C5orf24: variants seen among roughly 807,000 people sequenced by gnomAD.
C5orf24 encodes UPF0461 protein C5orf24.
Under a neutral mutation model 9.8 loss-of-function variants are expected in C5orf24, and 4 were observed. The observed-to-expected ratio is 0.41, with a 90% CI of 0.20 to 0.93. The LOEUF is 0.93. Ranked by LOEUF, C5orf24 falls within the 40% of genes least tolerant of loss-of-function variation. C5orf24 has a pLI of 0.33. For missense variants in C5orf24, 170 were observed against 236.9 expected, an observed-to-expected ratio of 0.72 and a Z score of 1.85; for synonymous variants, 73 against 81.3, an observed-to-expected ratio of 0.90 and a Z score of 0.55.
chr5:134,855,597 T>C lies in C5orf24; in HGVS notation c.*130T>C, dbSNP rs922540828. ...AATTTGTTTTCCTGTTTGGTTTTTT[T>C]CCTGCTTTTGCTCAAAAACTGCCAT... On this transcript the variant is annotated 3_prime_UTR_variant, in exon 2 of 2. Transcript: ENST00000394976. 1 of 1,495,690 alleles carries C rather than the reference T, an allele frequency of 6.7e-7. No homozygotes were observed. Among genetic ancestry groups the C allele is most frequent in the Non-Finnish European group, 8.9e-7 (1 of 1,128,428 alleles). The allele number at this position is 1,495,690 out of a possible 1,614,324, so 92.7% of individuals were successfully genotyped here.
rs529329525 is a variant in C5orf24, at chr5:134,859,039, C to A, written c.*3572C>A. 1 of 166,280 alleles carries A rather than the reference C, an allele frequency of 6.0e-6. No homozygotes were observed. Among genetic ancestry groups the A allele is most frequent in the South Asian group, 2.1e-4 (1 of 4,784 alleles). The allele number at this position is 166,280 out of a possible 1,614,324, so 10.3% of individuals were successfully genotyped here. On this transcript the variant is annotated 3_prime_UTR_variant, in exon 2 of 2. Coordinates refer to ENST00000394976, the MANE Select transcript of C5orf24 (RefSeq NM_001135586.1). Reference sequence around the variant, plus strand: ...GGAGAAAAAAATATATATGTGGGTCCATTTATTAGGTTAAAGTTGACCCAT... The same window carrying A: ...GGAGAAAAAAATATATATGTGGGTCAATTTATTAGGTTAAAGTTGACCCAT...
chr5:134,835,560 T>C, the C5orf24 span, among the ~76,000 whole-genome samples: 1 of 151,926 alleles, frequency 6.6e-6, no homozygotes, highest in South Asian at 2.1e-4. Context: ...GGCAGGAGAA[T>C]TGCATGAATC....
chr5:134,840,976 A>G (rs75481264), upstream of C5orf24, among the ~76,000 whole-genome samples: 1,267 of 152,260 alleles, frequency 8.3e-3, 18 homozygotes, highest in African/African-American at 0.028. Context: ...CTTTCACACT[A>G]AATCACATTG....
At position 134,856,647 on chromosome 5, in the gene C5orf24, A is replaced by AAG. The variant is rs1756321019; in HGVS notation, c.*1180_*1181insAG. 2 of 601,698 alleles carry AAG rather than the reference A, an allele frequency of 3.3e-6. No individual in the cohort carries two copies. The highest frequency in any genetic ancestry group is 6.7e-5 in the Admixed American group (1 of 14,930). 37.3% of individuals were successfully genotyped at this position (601,698 alleles called of 1,614,324 possible). A position where few individuals can be genotyped will look rare whatever the true frequency, so the allele number is the denominator to read the frequency against. ...CAGAGTAAGACTCCGTCTCAAATAAATAAATAAATAAATAAATAAATAAAT... is the reference window on the plus strand; with the variant it reads ...CAGAGTAAGACTCCGTCTCAAATAAAAGTAAATAAATAAATAAATAAATAAAT... On this transcript the variant is annotated 3_prime_UTR_variant, in exon 2 of 2. Coordinates refer to ENST00000394976, the MANE Select transcript of C5orf24 (RefSeq NM_001135586.1).
intron 1 of C5orf24, among the ~76,000 whole-genome samples, chr5:134,853,293 G>A (rs201726015): frequency 4.0e-5 from 6 of 151,382 alleles, no homozygotes; most frequent in South Asian, 2.1e-4. Context: ...CCCAGGAGGC[G>A]GAGGTTGCGG....
chr5:134,853,370 A>AAC (rs1283533734), intron 1 of C5orf24, among the ~76,000 whole-genome samples: 2 of 150,856 alleles, frequency 1.3e-5, no homozygotes, highest in East Asian at 1.9e-4. Context: ...TAAAAAAAAA[A>AAC]AAAAAAAAAA....
At chr5:134,836,907 T>C in the C5orf24 span, among the ~76,000 whole-genome samples, 1 of 152,204 alleles carries the variant, frequency 6.6e-6, no homozygotes, top group East Asian at 1.9e-4. Context: ...ACAGTTCATA[T>C]ACATAATCAA....
the C5orf24 span, among the ~76,000 whole-genome samples, chr5:134,836,641 T>A: frequency 6.6e-6 from 1 of 152,054 alleles, no homozygotes; most frequent in African/African-American, 2.4e-5. Flanking sequence ...CTTCTCGGGT[T>A]CAAGTGATCC....
At chr5:134,837,960 A>T in the C5orf24 span, among the ~76,000 whole-genome samples, 1 of 152,176 alleles carries the variant, frequency 6.6e-6, no homozygotes, top group Non-Finnish European at 1.5e-5. Flanking sequence ...ATCTAAGAAC[A>T]CTTGGGTTGG....
rs973444540 is a variant in C5orf24, at chr5:134,857,612, A to G, written c.*2145A>G. On this transcript the variant is annotated 3_prime_UTR_variant, in exon 2 of 2. Coordinates refer to ENST00000394976, the MANE Select transcript of C5orf24 (RefSeq NM_001135586.1). ...TTCTTGCAAAAGCTTAAAATACAAG[A>G]TTTTTAATAATTTACTCAGAACAGT... 6.2e-6 allele frequency: 3 copies of G among 486,634 alleles called. No homozygotes were observed. The highest frequency in any genetic ancestry group is 1.0e-5 in the Non-Finnish European group (3 of 289,962). The allele number at this position is 486,634 out of a possible 1,614,324, so 30.1% of individuals were successfully genotyped here.
chr5:134,857,566 C>A lies in C5orf24; in HGVS notation c.*2099C>A. The A allele has an allele frequency of 1.2e-6, 1 of 856,430 alleles. No individual in the cohort carries two copies. The highest frequency in any genetic ancestry group is 1.6e-6 in the Non-Finnish European group (1 of 621,462). The allele number at this position is 856,430 out of a possible 1,614,324, so 53.1% of individuals were successfully genotyped here. ...ATAATCAGTTATAACATTCTGGCAG[C>A]TAAATTGCTACAAGAGCTTTTTCTT... On this transcript the variant is annotated 3_prime_UTR_variant, in exon 2 of 2. Coordinates refer to ENST00000394976, the MANE Select transcript of C5orf24 (RefSeq NM_001135586.1).
the C5orf24 span, among the ~76,000 whole-genome samples, chr5:134,840,131 A>G: frequency 1.3e-5 from 2 of 151,590 alleles, no homozygotes; most frequent in South Asian, 4.2e-4. Context: ...AAATGGTGAA[A>G]CTCCATCTCT....
At chr5:134,835,782 C>A in the C5orf24 span, among the ~76,000 whole-genome samples, 10 of 151,920 alleles carry the variant, frequency 6.6e-5, no homozygotes, top group African/African-American at 2.4e-4. Flanking sequence ...AGTCTCAAAA[C>A]TCCTATGCTC....
chr5:134,855,541 A>T lies in C5orf24; in HGVS notation c.*74A>T. Reference sequence around the variant, plus strand: ...CCCAAAGCTTCTTGGTTTTATTTTGATATACATAATTTTATGGCCTGGGCT... The same window carrying T: ...CCCAAAGCTTCTTGGTTTTATTTTGTTATACATAATTTTATGGCCTGGGCT... On this transcript the variant is annotated 3_prime_UTR_variant, in exon 2 of 2. Transcript: ENST00000394976. The T allele has an allele frequency of 1.3e-6, 2 of 1,562,096 alleles. No homozygotes were observed.
In C5orf24 at chr5:134,853,515, T is replaced by C. The variant is rs567422280; in HGVS notation, c.-3-1383T>C. ...CAGACAAAATAGAGACTTTGGACCT[T>C]CTTCTTCTTCTTCTTTTTTTTTTTT... On this transcript the variant is annotated intron_variant, in intron 1 of 1. Transcript: ENST00000394976. Among the ~76,000 whole-genome samples the C allele has an allele frequency of 2.4e-4, 35 of 146,558 alleles. 1 individual carries two copies. The highest frequency in any genetic ancestry group is 4.3e-4 in the South Asian group (2 of 4,654).
At chr5:134,844,381 C>G (rs1755943098), upstream of C5orf24, among the ~76,000 whole-genome samples, 1 of 152,088 alleles carries the variant, frequency 6.6e-6, no homozygotes, top group Non-Finnish European at 1.5e-5. Context: ...CTCTGTTGCC[C>G]AGGCTGGAGT....
intron 1 of C5orf24, among the ~76,000 whole-genome samples, chr5:134,853,522 CT>C (rs1481712361): frequency 3.0e-5 from 4 of 134,280 alleles, no homozygotes; most frequent in African/African-American, 5.5e-5. Flanking sequence ...CCTTCTTCTT[CT>C]TCTTCTTTTT....
the C5orf24 span, among the ~76,000 whole-genome samples, chr5:134,837,843 T>C: frequency 6.6e-6 from 1 of 152,070 alleles, no homozygotes; most frequent in Non-Finnish European, 1.5e-5. Flanking sequence ...CCTATCTTTC[T>C]TTTTATTATT....
the C5orf24 span, among the ~76,000 whole-genome samples, chr5:134,839,976 G>A: frequency 1.3e-5 from 2 of 152,088 alleles, no homozygotes; most frequent in South Asian, 2.1e-4. Context: ...GATTGCAGGC[G>A]TGAGCCACCA....
Sources: allele counts gnomAD v4.1 joint callset (sites outside exome capture counted in the v4.1 genomes callset), GRCh38; gene constraint gnomAD v4.1.1; transcripts MANE v1.5; gene names NCBI Gene and HGNC (gene_info 2026-07-23, HGNC 2026-07-21).